The following TASOR variants were observed in gnomAD, a reference collection of about 807,000 sequenced individuals.
TASOR encodes protein TASOR.
A neutral mutation model predicts 178.6 loss-of-function variants in TASOR; 53 were observed. The observed-to-expected ratio is 0.30, with a 90% CI of 0.24 to 0.37. The LOEUF is 0.37. Ranked by LOEUF, TASOR falls within the 10% of genes least tolerant of loss-of-function variation. The probability of loss-of-function intolerance (pLI) is 1.00; values close to 1 mark genes in which losing one functional copy is unlikely to be tolerated. For missense variants in TASOR, 1,815 were observed against 1,971.4 expected (o/e 0.92, Z 1.50); for synonymous variants, 713 against 696.2 (o/e 1.02, Z -0.38).
At chr3:56,668,699 C>T (rs1248267115) in intron 5 of TASOR, 141 bp from the exon 6 acceptor site, 10 of 675,350 alleles carry the variant, frequency 1.5e-5, no homozygotes, top group Admixed American at 9.7e-5. Flanking sequence ...AACAGCTGGG[C>T]GCGGTGACTC....
intron 18 of TASOR, 62 bp downstream of exon 18, chr3:56,632,982 A>G: frequency 7.6e-7 from 1 of 1,313,482 alleles, no homozygotes; most frequent in East Asian, 2.3e-5. Context: ...CTTCCATTTT[A>G]TAGAGGTCAC....
At chr3:56,639,392 G>C (rs2077077418) in intron 16 of TASOR, among the ~76,000 whole-genome samples, 1 of 140,076 alleles carries the variant, frequency 7.1e-6, no homozygotes, top group African/African-American at 2.8e-5. Context: ...TGTTTGCACA[G>C]AGAAATTAGA....
Position 56,671,660 on chromosome 3 carries a change from A to G in TASOR, c.510T>C (p.Asp170=). The change falls in exon 3 of 24, where the codon GAT becomes GAC. Residue 170 remains aspartate, a synonymous_variant. Transcript: ENST00000683822. Reference sequence around the variant, plus strand: ...CTGAAAGTTCCTTATCTAAACGACCATCAAACTTCAGTTCTCTTCGCTTTT... The same window carrying G: ...CTGAAAGTTCCTTATCTAAACGACCGTCAAACTTCAGTTCTCTTCGCTTTT... ...FTEKRRELKF[D]GRLDKELSES... is the part of the protein sequence containing the mutation. 1.3e-6 allele frequency: 2 copies of G among 1,549,838 alleles called. No homozygotes were observed. Among genetic ancestry groups the G allele is most frequent in the Non-Finnish European group, 1.7e-6 (2 of 1,146,038 alleles).
rs557371623 is a variant in TASOR, at chr3:56,624,174, G to A, written c.4483+305C>T. ...TAATATAACCCCTTTGCTGACAATAGTAACCAATAATGCTTACAAAAACCT... is the reference window on the plus strand; with the variant it reads ...TAATATAACCCCTTTGCTGACAATAATAACCAATAATGCTTACAAAAACCT... On this transcript the variant is annotated intron_variant, in intron 23 of 23. Transcript: ENST00000683822. Among the ~76,000 whole-genome samples, 4 of 152,126 alleles carry A rather than the reference G, an allele frequency of 2.6e-5. No homozygotes were observed. In the South Asian group the frequency reaches 8.3e-4, roughly 32 times the overall value.
rs796072760 is a variant in TASOR, at chr3:56,631,576, G to GT, written c.3747+1467dup. On this transcript the variant is annotated intron_variant, in intron 18 of 23. Transcript: ENST00000683822. ...GAAAGGCGTGTGTGTGTGTGTCTGT[G>GT]TTTTTTTGTTTTTTTTTTTTTTTTT... Among the ~76,000 whole-genome samples, 352 of 110,972 alleles carry GT rather than the reference G, an allele frequency of 3.2e-3. 8 individuals carry two copies. The highest frequency in any genetic ancestry group is 0.021 in the South Asian group (71 of 3,432). The allele number at this position is 110,972 out of a possible 152,430, so 72.8% of individuals were successfully genotyped here. A position where few individuals can be genotyped will look rare whatever the true frequency, so the allele number is the denominator to read the frequency against.
intron 7 of TASOR, chr3:56,664,379 A>G (rs1034390046): frequency 2.6e-5 from 4 of 152,212 alleles, no homozygotes; most frequent in African/African-American, 9.6e-5. Context: ...ATGTCTTTTA[A>G]AGAGTACTTA....
chr3:56,673,510 G>C, intron 2 of TASOR, 70 bp downstream of exon 2: 1 of 1,137,980 alleles, frequency 8.8e-7, no homozygotes, highest in Non-Finnish European at 1.2e-6. Context: ...TATTTCTAGA[G>C]AACATTTTTT....
intron 11 of TASOR, among the ~76,000 whole-genome samples, chr3:56,657,680 G>C (rs150598886): frequency 5.5e-4 from 83 of 152,256 alleles, no homozygotes; most frequent in African/African-American, 1.8e-3. Flanking sequence ...AGACTATGGA[G>C]ATCTCCCTAA....
rs561666406 is a variant in TASOR at position 56,682,848 on chromosome 3, G to T, written c.159C>A (p.Gly53=). Residue 53 remains glycine (G), a synonymous_variant, in exon 1 of 24, where the codon GGC becomes GGA. Transcript: ENST00000683822. Reference sequence around the variant, plus strand: ...CCGCGTTCTCCTCACGCCCAGCGCCGCCGCTGGGCTCAGCGATGTTGAGGC... The same window carrying T: ...CCGCGTTCTCCTCACGCCCAGCGCCTCCGCTGGGCTCAGCGATGTTGAGGC... ...GGGLNIAEPS[G]GAGREENAGA... is the part of the protein sequence containing the mutation. The T allele has an allele frequency of 6.5e-7, 1 of 1,550,056 alleles. No individual in the cohort carries two copies. The highest frequency in any genetic ancestry group is 8.7e-7 in the Non-Finnish European group (1 of 1,146,542).
In TASOR at chr3:56,650,121, C is replaced by A. The variant is rs370390055; in HGVS notation, c.1369-1064G>T. On this transcript the variant is annotated intron_variant, in intron 11 of 23. Coordinates refer to ENST00000683822, the MANE Select transcript of TASOR (RefSeq NM_001365635.2). ...TTTCAGGGGCTACTGCAATAGTTCA[C>A]AATGTTTTGGGTAAATGAGAAACTG... 3.3e-5 allele frequency among the ~76,000 whole-genome samples: 5 copies of A among 152,292 alleles called. 1 individual carries two copies. In the South Asian group the frequency reaches 8.3e-4, roughly 25 times the overall value.
chr3:56,638,145 A>G (rs2077053448), intron 17 of TASOR, among the ~76,000 whole-genome samples: 1 of 152,070 alleles, frequency 6.6e-6, no homozygotes, highest in Admixed American at 6.6e-5. Context: ...CAGGTGGATC[A>G]CCTGAGGTCA....
In TASOR at chr3:56,662,367, C is replaced by T; in HGVS notation, c.1160+18G>A. The T allele has an allele frequency of 7.4e-7, 1 of 1,342,872 alleles. No homozygotes were observed. 83.2% of individuals were successfully genotyped at this position (1,342,872 alleles called of 1,614,324 possible). A position where few individuals can be genotyped will look rare whatever the true frequency, so the allele number is the denominator to read the frequency against. Reference sequence around the variant, plus strand: ...TGATAAAATTAGCAACCACGAACTGCTCTTTACTTATACTTACAGTTTGAT... The same window carrying T: ...TGATAAAATTAGCAACCACGAACTGTTCTTTACTTATACTTACAGTTTGAT... On this transcript the variant is annotated intron_variant, in intron 9 of 23. Coordinates refer to ENST00000683822, the MANE Select transcript of TASOR (RefSeq NM_001365635.2).
chr3:56,673,388 C>T (rs1385546732), intron 2 of TASOR, among the ~76,000 whole-genome samples, 192 bp downstream of exon 2: 2 of 142,188 alleles, frequency 1.4e-5, no homozygotes, highest in Non-Finnish European at 3.0e-5. Flanking sequence ...GCCGAGATCG[C>T]GCCACTGTAC....
chr3:56,638,724 C>T lies in TASOR; in HGVS notation c.2806G>A (p.Gly936Ser), dbSNP rs1480341716. 1 of 1,614,092 alleles carries T rather than the reference C, an allele frequency of 6.2e-7. No individual in the cohort carries two copies. The change falls in exon 17 of 24, where the codon GGT (glycine) becomes AGT (serine). Residue 936 changes from glycine to serine, a missense_variant. Coordinates refer to ENST00000683822, the MANE Select transcript of TASOR (RefSeq NM_001365635.2). ...TTCTCACCTGGTGTTTGTTTCTCAC[C>T]ATGTTTCCCCAGCTGGTCTTCTGGG... The part of the protein sequence containing the change: ...RSPEDQLGKH[G>S]EKQTPGMKSP...
chr3:56,673,513 C>T (rs917075299), intron 2 of TASOR, 67 bp downstream of exon 2: 8 of 1,098,276 alleles, frequency 7.3e-6, no homozygotes, highest in Middle Eastern at 2.6e-4. Context: ...TTCTAGAGAA[C>T]ATTTTTTTCC....
At position 56,621,241 on chromosome 3, in the gene TASOR, G is replaced by A. The variant is rs899018405; in HGVS notation, c.*1796C>T. 3.1e-5 allele frequency: 7 copies of A among 227,556 alleles called. No individual in the cohort carries two copies. The highest frequency in any genetic ancestry group is 4.3e-5 in the Non-Finnish European group (5 of 117,370). The allele number at this position is 227,556 out of a possible 1,614,324, so 14.1% of individuals were successfully genotyped here. On this transcript the variant is annotated 3_prime_UTR_variant, in exon 24 of 24. Coordinates refer to ENST00000683822, the MANE Select transcript of TASOR (RefSeq NM_001365635.2). ...CTTCAGTATCTAAGAGCACTTGGGG[G>A]TGGACTGGGGGAGAAGGGATGACTT...
intron 14 of TASOR, among the ~76,000 whole-genome samples, chr3:56,643,100 C>T (rs2077161740): frequency 6.6e-6 from 1 of 151,112 alleles, no homozygotes; most frequent in East Asian, 2.0e-4. Flanking sequence ...CCTGTCTCTA[C>T]TAAAAATACA....
chr3:56,635,437 C>T (rs1313401501), intron 17 of TASOR, among the ~76,000 whole-genome samples: 1 of 152,088 alleles, frequency 6.6e-6, no homozygotes. Flanking sequence ...CATAAAGTGT[C>T]TGGAAGGATA....
chr3:56,625,440 G>T (rs376531958), intron 21 of TASOR, among the ~76,000 whole-genome samples: 49 of 152,238 alleles, frequency 3.2e-4, no homozygotes, highest in African/African-American at 1.2e-3. Context: ...CTGAGATCAG[G>T]AGTTCGAGAC....
Sources: allele counts gnomAD v4.1 joint callset (sites outside exome capture counted in the v4.1 genomes callset), GRCh38; gene constraint gnomAD v4.1.1; transcripts MANE v1.5; gene names NCBI Gene and HGNC (gene_info 2026-07-23, HGNC 2026-07-21).